Variants in AK4 observed in about 807,000 individuals in gnomAD.
The protein encoded by AK4 is adenylate kinase 4.
AK4 carries 13 observed loss-of-function variants against 24.6 expected under a neutral mutation model. The observed-to-expected ratio is 0.53, with a 90% CI of 0.34 to 0.84. The LOEUF is 0.84. Ranked by LOEUF, AK4 falls within the 40% of genes least tolerant of loss-of-function variation. AK4 has a pLI of 0.01. For missense variants in AK4, 192 were observed against 288.2 expected, an observed-to-expected ratio of 0.67 and a Z score of 2.42; for synonymous variants, 88 against 107.0, an observed-to-expected ratio of 0.82 and a Z score of 1.10.
At chr1:65,152,379 TA>T (rs1649820962) in intron 1 of AK4, among the ~76,000 whole-genome samples, 1 of 74,924 alleles carries the variant, frequency 1.3e-5, no homozygotes, top group Non-Finnish European at 2.6e-5. Flanking sequence ...TATATATATA[TA>T]TATATTTTTT....
intron 2 of AK4, among the ~76,000 whole-genome samples, chr1:65,200,304 G>A (rs373419965): frequency 1.4e-4 from 22 of 152,156 alleles, no homozygotes; most frequent in African/African-American, 4.3e-4. Context: ...TAGTAGAGAC[G>A]GGGTTTCACT....
At chr1:65,204,481 G>A (rs933965954) in intron 2 of AK4, among the ~76,000 whole-genome samples, 5 of 152,150 alleles carry the variant, frequency 3.3e-5, no homozygotes, top group Admixed American at 3.3e-4. Flanking sequence ...AATTCCAGGC[G>A]TGAGCCACCA....
chr1:65,209,356 A>C (rs998038176), intron 2 of AK4, among the ~76,000 whole-genome samples: 6 of 152,230 alleles, frequency 3.9e-5, no homozygotes, highest in African/African-American at 1.4e-4. Context: ...GAATAACGCT[A>C]GTCAGTCATT....
At chr1:65,206,343 G>C (rs558650296) in intron 2 of AK4, among the ~76,000 whole-genome samples, 2 of 152,288 alleles carry the variant, frequency 1.3e-5, no homozygotes, top group South Asian at 4.1e-4. Flanking sequence ...TACTTTTCTG[G>C]GGATAAAAAT....
At chr1:65,166,566 C>T (rs960773651) in intron 1 of AK4, among the ~76,000 whole-genome samples, 2 of 152,150 alleles carry the variant, frequency 1.3e-5, no homozygotes, top group Non-Finnish European at 2.9e-5. Context: ...ATCTCCCAGG[C>T]TGGAGGAGTA....
At chr1:65,199,458 A>G (rs902697702) in intron 2 of AK4, among the ~76,000 whole-genome samples, 3 of 151,922 alleles carry the variant, frequency 2.0e-5, no homozygotes, top group African/African-American at 7.3e-5. Flanking sequence ...CTAAGGCAGG[A>G]GAATCGCTTG....
chr1:65,218,974 C>A, intron 3 of AK4, 48 bp downstream of exon 3: 1 of 1,426,910 alleles, frequency 7.0e-7, no homozygotes, highest in Non-Finnish European at 9.4e-7. Flanking sequence ...AAAAGACAAA[C>A]AATTTCCATT....
At chr1:65,177,539 A>G (rs1397398372) in intron 1 of AK4, among the ~76,000 whole-genome samples, 1 of 152,182 alleles carries the variant, frequency 6.6e-6, no homozygotes, top group Non-Finnish European at 1.5e-5. Context: ...CCGCGTACCT[A>G]TATGTTAAAA....
intron 1 of AK4, among the ~76,000 whole-genome samples, chr1:65,171,991 G>T (rs911770136): frequency 2.0e-5 from 3 of 146,864 alleles, no homozygotes; most frequent in African/African-American, 7.4e-5. Flanking sequence ...GAACCCAGGC[G>T]CAGAGGTTAA....
chr1:65,165,726 A>G (rs188134029), intron 1 of AK4, among the ~76,000 whole-genome samples: 15 of 152,324 alleles, frequency 9.8e-5, no homozygotes, highest in African/African-American at 2.9e-4. Context: ...ACTGGAGCAC[A>G]GCCAAGATGG....
At chr1:65,179,783 T>C (rs1449428322) in intron 1 of AK4, among the ~76,000 whole-genome samples, 1 of 152,050 alleles carries the variant, frequency 6.6e-6, no homozygotes, top group East Asian at 1.9e-4. Flanking sequence ...TGCAGTGAGC[T>C]GTGATCACAC....
intron 1 of AK4, among the ~76,000 whole-genome samples, chr1:65,167,971 T>C (rs1650388154): frequency 2.0e-5 from 3 of 152,154 alleles, no homozygotes; most frequent in Non-Finnish European, 4.4e-5. Context: ...CTGACTTAAG[T>C]TGTCTTTTTT....
chr1:65,181,361 T>C (rs185222760), intron 1 of AK4, among the ~76,000 whole-genome samples: 1 of 152,152 alleles, frequency 6.6e-6, no homozygotes, highest in Admixed American at 6.5e-5. Flanking sequence ...TGTTAGACTT[T>C]TTCATAAACC....
At chr1:65,225,719 GACTAAGTA>G (rs986085391) in intron 4 of AK4, among the ~76,000 whole-genome samples, 6 of 152,120 alleles carry the variant, frequency 3.9e-5, no homozygotes, top group African/African-American at 1.4e-4. Flanking sequence ...TTCCATGATT[GACTAAGTA>G]ATATAGGTTT....
In AK4 at chr1:65,207,217, T is replaced by TCCTCCCTA. The variant is rs1358495749; in HGVS notation, c.266-11529_266-11522dup. ...TTCTTTCTTTTCCTTCCTCCTCCCTTCCTCCCTACCTCCCTTCTTGCCTCT... is the reference window on the plus strand; with the variant it reads ...TTCTTTCTTTTCCTTCCTCCTCCCTTCCTCCCTACCTCCCTACCTCCCTTCTTGCCTCT... On this transcript the variant is annotated intron_variant, in intron 2 of 4. Coordinates refer to ENST00000327299, the MANE Select transcript of AK4 (RefSeq NM_013410.4). 2.0e-5 allele frequency among the ~76,000 whole-genome samples: 3 copies of TCCTCCCTA among 152,248 alleles called. No homozygotes were observed. In the East Asian group the frequency reaches 5.8e-4, roughly 29 times the overall value.
rs80248806 is a variant in AK4 at position 65,232,058 on chromosome 1, A to G, written c.*5881A>G. Reference sequence around the variant, plus strand: ...ATATGCTATCCTAACTGTTAATTGTATTATTGATTATGTTGATTATCTTGC... The same window carrying G: ...ATATGCTATCCTAACTGTTAATTGTGTTATTGATTATGTTGATTATCTTGC... On this transcript the variant is annotated 3_prime_UTR_variant, in exon 5 of 5. Transcript: ENST00000327299. The G allele has an allele frequency of 4.7e-4, 72 of 152,188 alleles. No homozygotes were observed. The highest frequency in any genetic ancestry group is 1.6e-3 in the African/African-American group (67 of 41,528). 9.4% of individuals were successfully genotyped at this position (152,188 alleles called of 1,614,324 possible).
chr1:65,179,089 G>T (rs370887133), intron 1 of AK4, among the ~76,000 whole-genome samples: 1 of 152,122 alleles, frequency 6.6e-6, no homozygotes, highest in Non-Finnish European at 1.5e-5. Flanking sequence ...CTGGTGAGGA[G>T]ATATGGAATT....
chr1:65,220,478 T>C (rs1336674937), intron 3 of AK4, among the ~76,000 whole-genome samples: 2 of 152,186 alleles, frequency 1.3e-5, no homozygotes, highest in African/African-American at 4.8e-5. Context: ...TGTTTTTCTT[T>C]TTTATTTTCT....
At chr1:65,170,812 A>C (rs1317819233) in intron 1 of AK4, among the ~76,000 whole-genome samples, 1 of 152,240 alleles carries the variant, frequency 6.6e-6, no homozygotes, top group African/African-American at 2.4e-5. Context: ...AAAAATTTGC[A>C]GAATCAGCTA....
Sources: allele counts gnomAD v4.1 joint callset (sites outside exome capture counted in the v4.1 genomes callset), GRCh38; gene constraint gnomAD v4.1.1; transcripts MANE v1.5; gene names NCBI Gene and HGNC (gene_info 2026-07-23, HGNC 2026-07-21).